The following NFIA variants were observed in gnomAD, a reference collection of about 807,000 sequenced individuals.
NFIA encodes the protein nuclear factor I A.
NFIA carries 8 observed loss-of-function variants against 62.8 expected under a neutral mutation model. The ratio of observed to expected loss-of-function variants is 0.13; its 90% confidence interval spans 0.07 to 0.23. The LOEUF (loss-of-function observed/expected upper bound fraction) is 0.23, where lower values mean the gene tolerates loss of function less well. Among genes scored for constraint, NFIA ranks in the 10% least tolerant of loss-of-function variants. The pLI is 1.00. For synonymous variants in NFIA, 235 were observed against 238.1 expected (o/e 0.99, Z 0.12); for missense variants, 410 against 642.1 (o/e 0.64, Z 3.91).
chr1:61,332,674 T>G, intron 4 of NFIA, 88 bp downstream of exon 4: 1 of 1,031,226 alleles, frequency 9.7e-7, no homozygotes, highest in Non-Finnish European at 1.5e-6. Context: ...CAAAAAAAGC[T>G]TTCAGAATCT....
At chr1:61,401,603 A>G (rs1221555653) in intron 7 of NFIA, among the ~76,000 whole-genome samples, 2 of 150,882 alleles carry the variant, frequency 1.3e-5, no homozygotes, top group East Asian at 1.9e-4. Context: ...TTCATAATCT[A>G]ACAATTACCC....
Position 61,088,791 on chromosome 1 carries a change from A to T in NFIA, c.559+111A>T. 2.4e-6 allele frequency: 3 copies of T among 1,253,402 alleles called. No individual in the cohort carries two copies. The highest frequency in any genetic ancestry group is 3.3e-6 in the Non-Finnish European group (3 of 910,906). 77.6% of individuals were successfully genotyped at this position (1,253,402 alleles called of 1,614,324 possible). A position where few individuals can be genotyped will look rare whatever the true frequency, so the allele number is the denominator to read the frequency against. On this transcript the variant is annotated intron_variant, in intron 2 of 10. Coordinates refer to ENST00000403491, the MANE Select transcript of NFIA (RefSeq NM_001134673.4). The surrounding 1 kb of genome is among the most constrained non-coding windows in gnomAD (Gnocchi z 4.5). ...GCTCCCCAAGTTGCAGGCCACGTAC[A>T]TGAAGCCAGTGTGGTTTCAAAGATT... is the stretch of plus-strand genomic sequence containing the variant.
At chr1:61,140,668 GA>G (rs1223059975) in intron 2 of NFIA, among the ~76,000 whole-genome samples, 3 of 152,082 alleles carry the variant, frequency 2.0e-5, no homozygotes, top group Admixed American at 1.3e-4. Context: ...TGTAGCATGG[GA>G]AAGCTCCTTC....
chr1:61,425,127 T>C (rs763556575), intron 9 of NFIA, among the ~76,000 whole-genome samples: 26 of 152,244 alleles, frequency 1.7e-4, no homozygotes, highest in South Asian at 4.1e-4. Flanking sequence ...AGTGCCGTTT[T>C]AACACAGCCA....
At chr1:61,320,256 C>A (rs1570573869) in intron 3 of NFIA, among the ~76,000 whole-genome samples, 1 of 152,090 alleles carries the variant, frequency 6.6e-6, no homozygotes, top group African/African-American at 2.4e-5. Flanking sequence ...TTTTCTGGTA[C>A]TTCTAAAATA....
intron 2 of NFIA, among the ~76,000 whole-genome samples, chr1:61,142,128 A>AT (rs1239473334): frequency 6.6e-6 from 1 of 152,158 alleles, no homozygotes; most frequent in Non-Finnish European, 1.5e-5. Context: ...TGGCATGCTA[A>AT]TGCATGCATT....
At chr1:61,374,879 A>G (rs988446615) in intron 6 of NFIA, among the ~76,000 whole-genome samples, 1 of 152,238 alleles carries the variant, frequency 6.6e-6, no homozygotes, top group African/African-American at 2.4e-5. Context: ...GCTAAAAGTC[A>G]AAATAGTCTA....
At chr1:61,337,935 T>C (rs573610573) in intron 4 of NFIA, among the ~76,000 whole-genome samples, 14 of 152,334 alleles carry the variant, frequency 9.2e-5, no homozygotes, top group African/African-American at 2.6e-4. Flanking sequence ...TCCTTCCAAA[T>C]TGCTGACTCT....
intron 3 of NFIA, among the ~76,000 whole-genome samples, chr1:61,290,992 G>A (rs1169343100): frequency 6.6e-6 from 1 of 152,144 alleles, no homozygotes; most frequent in Non-Finnish European, 1.5e-5. Flanking sequence ...CTATTATTTA[G>A]CAAAGATGGT....
chr1:61,450,939 C>T (rs946910044), intron 10 of NFIA, among the ~76,000 whole-genome samples: 1 of 152,112 alleles, frequency 6.6e-6, no homozygotes. Flanking sequence ...TGTAAAAAGC[C>T]TTTTAAAAAG....
chr1:61,278,645 G>A (rs557630031), intron 3 of NFIA, among the ~76,000 whole-genome samples: 4 of 152,212 alleles, frequency 2.6e-5, no homozygotes, highest in South Asian at 2.1e-4. Context: ...AAAATTATTC[G>A]GTCGTAGTGG....
chr1:61,202,354 T>C (rs527643291), intron 2 of NFIA, among the ~76,000 whole-genome samples: 27 of 152,280 alleles, frequency 1.8e-4, no homozygotes, highest in African/African-American at 6.0e-4. Context: ...TGGGAAGTCT[T>C]GTATATATAA....
At chr1:61,255,180 A>G (rs1656303404) in intron 2 of NFIA, among the ~76,000 whole-genome samples, 1 of 152,130 alleles carries the variant, frequency 6.6e-6, no homozygotes, top group African/African-American at 2.4e-5. Context: ...AGCACACACA[A>G]AACAAAACAA....
intron 6 of NFIA, among the ~76,000 whole-genome samples, chr1:61,365,423 A>T (rs751486414): frequency 7.2e-5 from 11 of 152,170 alleles, no homozygotes; most frequent in Non-Finnish European, 1.6e-4. Context: ...GGTTCTCTTT[A>T]AAACAATTCT....
chr1:61,453,673 C>A (rs1668173504), intron 10 of NFIA, among the ~76,000 whole-genome samples: 1 of 152,062 alleles, frequency 6.6e-6, no homozygotes, highest in Non-Finnish European at 1.5e-5. Flanking sequence ...AAATAGTAAG[C>A]ATTATTCCCC....
chr1:61,257,552 A>T, intron 2 of NFIA, among the ~76,000 whole-genome samples: 2 of 151,610 alleles, frequency 1.3e-5, no homozygotes, highest in East Asian at 1.9e-4. Context: ...GTTAGCCAGG[A>T]TGGTCTCGAA....
chr1:61,390,166 G>A (rs1226856233), intron 7 of NFIA, among the ~76,000 whole-genome samples: 1 of 152,174 alleles, frequency 6.6e-6, no homozygotes, highest in Non-Finnish European at 1.5e-5. Flanking sequence ...CGCAAGTCCA[G>A]ACACACAGGA....
At chr1:61,199,565 A>G (rs1453795174) in intron 2 of NFIA, among the ~76,000 whole-genome samples, 4 of 152,124 alleles carry the variant, frequency 2.6e-5, no homozygotes, top group Non-Finnish European at 5.9e-5. Flanking sequence ...GAGATTGTAT[A>G]TACTACATTG....
At chr1:61,290,751 A>G (rs1302352535) in intron 3 of NFIA, among the ~76,000 whole-genome samples, 1 of 152,184 alleles carries the variant, frequency 6.6e-6, no homozygotes, top group African/African-American at 2.4e-5. Flanking sequence ...AAGGCATGCA[A>G]GTAAACCTTA....
Sources: allele counts gnomAD v4.1 joint callset (sites outside exome capture counted in the v4.1 genomes callset), GRCh38; gene constraint gnomAD v4.1.1; non-coding constraint Gnocchi (gnomAD v3.1); transcripts MANE v1.5; gene names NCBI Gene and HGNC (gene_info 2026-07-23, HGNC 2026-07-21).